LRP1B: variants seen among roughly 807,000 people sequenced by gnomAD.
LRP1B encodes the protein LDL receptor related protein 1B.
A neutral mutation model predicts 556.6 loss-of-function variants in LRP1B; 217 were observed. That is an observed-to-expected ratio of 0.39 (90% CI 0.35 to 0.44). LRP1B has a LOEUF of 0.44. Ranked by LOEUF, LRP1B falls within the 20% of genes least tolerant of loss-of-function variation. The pLI, the probability that LRP1B is intolerant of heterozygous loss-of-function variation, is 1.00. For synonymous variants in LRP1B, 2,047 were observed against 1,865.8 expected, an observed-to-expected ratio of 1.10 and a Z score of -2.50; for missense variants, 5,053 against 5,620.8, an observed-to-expected ratio of 0.90 and a Z score of 3.23.
intron 1 of LRP1B, among the ~76,000 whole-genome samples, chr2:142,061,540 C>T (rs561180617): frequency 1.3e-5 from 2 of 152,030 alleles, no homozygotes; most frequent in South Asian, 4.1e-4. Flanking sequence ...GGGCAAAGAA[C>T]ATGGACAAGA....
At chr2:140,578,473 C>T (rs1681622074) in intron 43 of LRP1B, among the ~76,000 whole-genome samples, 1 of 152,216 alleles carries the variant, frequency 6.6e-6, no homozygotes, top group Non-Finnish European at 1.5e-5. Flanking sequence ...CCTCCAGCCA[C>T]CCTGGCCTCC....
At chr2:142,127,208 G>C (rs528117671) in intron 1 of LRP1B, among the ~76,000 whole-genome samples, 17 of 151,776 alleles carry the variant, frequency 1.1e-4, no homozygotes, top group African/African-American at 3.6e-4. Flanking sequence ...ATTATATTCA[G>C]ATTCACACTG....
chr2:142,083,573 A>G (rs888085171), intron 1 of LRP1B, among the ~76,000 whole-genome samples: 2 of 152,174 alleles, frequency 1.3e-5, no homozygotes, highest in Non-Finnish European at 2.9e-5. Flanking sequence ...ATAGAATATA[A>G]TTTCTCTCTT....
intron 11 of LRP1B, among the ~76,000 whole-genome samples, chr2:141,031,005 C>G (rs555398806): frequency 4.9e-4 from 75 of 151,918 alleles, no homozygotes; most frequent in African/African-American, 1.7e-3. Flanking sequence ...TTCCTATAAG[C>G]TCTAGGTCCC....
At chr2:141,125,063 A>G (rs1214688603) in intron 7 of LRP1B, among the ~76,000 whole-genome samples, 1 of 152,210 alleles carries the variant, frequency 6.6e-6, no homozygotes, top group Non-Finnish European at 1.5e-5. Flanking sequence ...AGGGAAAACT[A>G]TCATTTAAAG....
At chr2:141,939,423 G>A (rs991697861) in intron 1 of LRP1B, among the ~76,000 whole-genome samples, 5 of 152,036 alleles carry the variant, frequency 3.3e-5, no homozygotes, top group African/African-American at 1.2e-4. Context: ...ATAGAACAGA[G>A]GTGTTATTGC....
At chr2:141,242,668 G>A (rs1318644825) in intron 5 of LRP1B, among the ~76,000 whole-genome samples, 1 of 151,810 alleles carries the variant, frequency 6.6e-6, no homozygotes, top group South Asian at 2.1e-4. Context: ...ACTCTCAAAG[G>A]GCACCATTCG....
intron 31 of LRP1B, among the ~76,000 whole-genome samples, chr2:140,816,845 T>C (rs1256392774): frequency 6.6e-6 from 1 of 152,116 alleles, no homozygotes; most frequent in Non-Finnish European, 1.5e-5. Context: ...TTAATGCAAA[T>C]GTTTTTGCAT....
chr2:140,926,927 C>T (rs1168321433), intron 20 of LRP1B, among the ~76,000 whole-genome samples: 2 of 152,086 alleles, frequency 1.3e-5, no homozygotes, highest in Admixed American at 6.6e-5. Flanking sequence ...TTAGATGGCA[C>T]TCCATTTTGC....
intron 2 of LRP1B, among the ~76,000 whole-genome samples, chr2:141,525,312 A>T (rs1486749134): frequency 1.3e-5 from 2 of 152,110 alleles, no homozygotes; most frequent in East Asian, 3.9e-4. Flanking sequence ...TGTCACTTGT[A>T]TCTAATGGAC....
chr2:141,018,448 T>C (rs1428340645), intron 12 of LRP1B, among the ~76,000 whole-genome samples: 1 of 152,144 alleles, frequency 6.6e-6, no homozygotes, highest in Non-Finnish European at 1.5e-5. Context: ...GAGCTTGAAC[T>C]ATGTAGATGC....
At chr2:142,076,743 GT>G (rs1208777892) in intron 1 of LRP1B, among the ~76,000 whole-genome samples, 1 of 152,074 alleles carries the variant, frequency 6.6e-6, no homozygotes. Context: ...CCGAAGAGGA[GT>G]CTTTGGAGGT....
chr2:141,042,718 C>G (rs964557634), intron 11 of LRP1B, among the ~76,000 whole-genome samples: 1 of 151,942 alleles, frequency 6.6e-6, no homozygotes, highest in Non-Finnish European at 1.5e-5. Context: ...ATAACGTGAG[C>G]AATCTTGATA....
intron 83 of LRP1B, among the ~76,000 whole-genome samples, chr2:140,298,859 G>A (rs1019813442): frequency 6.6e-6 from 1 of 151,936 alleles, no homozygotes; most frequent in Non-Finnish European, 1.5e-5. Context: ...GAGAAGAGAA[G>A]GAGAAAGAAA....
intron 52 of LRP1B, among the ~76,000 whole-genome samples, chr2:140,508,723 T>C (rs1689522338): frequency 6.6e-6 from 1 of 152,208 alleles, no homozygotes; most frequent in South Asian, 2.1e-4. Context: ...GTGACTTATT[T>C]GGCTTTAACA....
At chr2:141,035,219 G>C (rs1421198591) in intron 11 of LRP1B, among the ~76,000 whole-genome samples, 3 of 151,890 alleles carry the variant, frequency 2.0e-5, no homozygotes, top group African/African-American at 2.4e-5. Context: ...GTGGGGGAAG[G>C]GGGGAGGGAT....
chr2:140,802,408 C>T (rs2105011156), intron 32 of LRP1B, among the ~76,000 whole-genome samples: 1 of 152,236 alleles, frequency 6.6e-6, no homozygotes, highest in Middle Eastern at 3.4e-3. Context: ...GAATGTAACT[C>T]TATTTTATAT....
chr2:141,939,834 C>T (rs1174281869), intron 1 of LRP1B, among the ~76,000 whole-genome samples: 1 of 152,096 alleles, frequency 6.6e-6, no homozygotes, highest in Admixed American at 6.5e-5. Context: ...ATTTTCCCCT[C>T]TGGCAAGTCA....
intron 1 of LRP1B, among the ~76,000 whole-genome samples, chr2:142,078,652 A>C (rs1199081291): frequency 1.3e-5 from 2 of 152,216 alleles, no homozygotes; most frequent in Admixed American, 1.3e-4. Flanking sequence ...TAATATTAAC[A>C]AATAGTAGAG....
Sources: gnomAD v4.1 joint callset for allele counts (sites outside exome capture counted in the v4.1 genomes callset) on GRCh38, gnomAD v4.1.1 for gene constraint, MANE v1.5 for transcripts, NCBI Gene and HGNC (gene_info 2026-07-23, HGNC 2026-07-21) for gene names.